Variants in SLC34A1 observed in about 807,000 individuals in gnomAD.
SLC34A1 encodes solute carrier family 34 member 1, also known as sodium-dependent phosphate transport protein 2A.
In SLC34A1, 57 loss-of-function variants were observed where a neutral mutation model predicts 51.4. That is an observed-to-expected ratio of 1.11 (90% CI 0.90 to 1.38). The LOEUF (loss-of-function observed/expected upper bound fraction) is 1.38, where lower values mean the gene tolerates loss of function less well. SLC34A1 is among the 40% of genes most tolerant of loss of function. The pLI, the probability that SLC34A1 is intolerant of heterozygous loss-of-function variation, is 0.00. For missense variants in SLC34A1, 796 were observed against 835.6 expected, an observed-to-expected ratio of 0.95 and a Z score of 0.58; for synonymous variants, 368 against 358.0, an observed-to-expected ratio of 1.03 and a Z score of -0.32.
chr5:177,395,243 G>A (rs963511894), intron 10 of SLC34A1, among the ~76,000 whole-genome samples: 1 of 152,222 alleles, frequency 6.6e-6, no homozygotes, highest in African/African-American at 2.4e-5. Flanking sequence ...TAAATTCAGA[G>A]AGAGGTACCT....
At chr5:177,394,548 G>T (rs1056622945) in intron 10 of SLC34A1, among the ~76,000 whole-genome samples, 2 of 152,314 alleles carry the variant, frequency 1.3e-5, no homozygotes, top group South Asian at 2.1e-4. Context: ...CAGCCCAGCA[G>T]GGGGAGGAAA....
At position 177,388,612 on chromosome 5, in the gene SLC34A1, T is replaced by C. The variant is rs1350965494; in HGVS notation, c.936+240T>C. 6.6e-6 allele frequency among the ~76,000 whole-genome samples: 1 copy of C among 152,126 alleles called. No individual in the cohort carries two copies. The highest frequency in any genetic ancestry group is 1.5e-5 in the Non-Finnish European group (1 of 68,018). On this transcript the variant is annotated intron_variant, in intron 8 of 12. Transcript: ENST00000324417. The surrounding 1 kb of genome is among the most constrained non-coding windows in gnomAD (Gnocchi z 4.3). Reference sequence around the variant, plus strand: ...TGTAATTGATCTAGCCCAGTGGTTCTTGAAGTGTGGTCCCAGGCCAGCATC... The same window carrying C: ...TGTAATTGATCTAGCCCAGTGGTTCCTGAAGTGTGGTCCCAGGCCAGCATC...
At position 177,388,447 on chromosome 5, in the gene SLC34A1, T is replaced by A. The variant is rs893002907; in HGVS notation, c.936+75T>A. 5.3e-5 allele frequency: 67 copies of A among 1,264,750 alleles called. No individual in the cohort carries two copies. The Middle Eastern group carries it at 3.0e-3, about 56-fold the overall frequency. 78.3% of individuals were successfully genotyped at this position (1,264,750 alleles called of 1,614,324 possible). ...TGGTTTCATTGTCTGTTCAAAATGC[T>A]CCAGATAGACCTTGAAGATCATTTA... On this transcript the variant is annotated intron_variant, in intron 8 of 12. Coordinates refer to ENST00000324417, the MANE Select transcript of SLC34A1 (RefSeq NM_003052.5). This position sits in a 1 kb window ranked among gnomAD's most constrained non-coding sequence, Gnocchi z 4.3.
chr5:177,385,766 G>C lies in SLC34A1; in HGVS notation c.25G>C (p.Gly9Arg), dbSNP rs148669433. Residue 9 changes from glycine to arginine, a missense_variant, in exon 2 of 13, where the codon GGG (glycine) becomes CGG (arginine). By Grantham distance (125) the Gly-to-Arg change is moderately radical (BLOSUM62 -2). Transcript: ENST00000324417. MLSYGERL[G>R]SPAVSPLPVR... ...GATGTTGTCCTACGGAGAGAGGCTGGGGTCCCCTGCTGTCTCCCCACTCCC... is the reference window on the plus strand; with the variant it reads ...GATGTTGTCCTACGGAGAGAGGCTGCGGTCCCCTGCTGTCTCCCCACTCCC... 6.2e-7 allele frequency: 1 copy of C among 1,613,028 alleles called. No individual in the cohort carries two copies. Among genetic ancestry groups the C allele is most frequent in the Admixed American group, 1.7e-5 (1 of 59,944 alleles).
At chr5:177,393,795 A>G (rs1231442969) in intron 9 of SLC34A1, 32 bp downstream of exon 9, 9 of 1,608,392 alleles carry the variant, frequency 5.6e-6, no homozygotes, top group Non-Finnish European at 7.7e-6. Context: ...GGTGTCCTGC[A>G]TGGCAGGGGC....
chr5:177,387,226 A>C (rs76580957), intron 5 of SLC34A1, among the ~76,000 whole-genome samples: 32 of 151,200 alleles, frequency 2.1e-4, no homozygotes, highest in Middle Eastern at 3.4e-3. Context: ...AAAAAAAAAA[A>C]CAACAAAAAC....
rs769961862 is a variant in SLC34A1 at position 177,396,946 on chromosome 5, C to T, written c.1292-4C>T. The T allele has an allele frequency of 1.2e-6, 2 of 1,614,162 alleles. No homozygotes were observed. The highest frequency in any genetic ancestry group is 1.7e-5 in the Admixed American group (1 of 60,022). ...GGTCCCACTTCCTCTCCCTCTGTCCCCAGGTCTTGGTGTGATCAGCATTGA... is the reference window on the plus strand; with the variant it reads ...GGTCCCACTTCCTCTCCCTCTGTCCTCAGGTCTTGGTGTGATCAGCATTGA... On this transcript the variant is annotated splice_polypyrimidine_tract_variant and splice_region_variant and intron_variant, in intron 11 of 12. Transcript: ENST00000324417. The surrounding 1 kb of genome is among the most constrained non-coding windows in gnomAD (Gnocchi z 4.0).
intron 12 of SLC34A1, 29 bp downstream of exon 12, chr5:177,397,103 GC>G (rs1561635465): frequency 6.2e-7 from 1 of 1,608,290 alleles, no homozygotes. Context: ...CTCGCCTGGG[GC>G]AGGATGGAGC....
chr5:177,388,202 C>A lies in SLC34A1; in HGVS notation c.840+13C>A. 6.2e-7 allele frequency: 1 copy of A among 1,614,054 alleles called. No individual in the cohort carries two copies. The highest frequency in any genetic ancestry group is 8.5e-7 in the Non-Finnish European group (1 of 1,180,004). On this transcript the variant is annotated intron_variant, in intron 7 of 12. Transcript: ENST00000324417. This position sits in a 1 kb window ranked among gnomAD's most constrained non-coding sequence, Gnocchi z 4.3. Reference sequence around the variant, plus strand: ...GCTCATCATCCAGGTGACAGCAGGGCCTGGCATGGGGTGAGGGTGGGGGTA... The same window carrying A: ...GCTCATCATCCAGGTGACAGCAGGGACTGGCATGGGGTGAGGGTGGGGGTA...
At chr5:177,397,214 G>A in intron 12 of SLC34A1, 140 bp downstream of exon 12, 2 of 1,118,250 alleles carry the variant, frequency 1.8e-6, no homozygotes, top group Non-Finnish European at 2.5e-6. Flanking sequence ...AAACCATTAT[G>A]GGCAAAGTAG....
chr5:177,393,644 C>T (rs1221605359), intron 8 of SLC34A1, 50 bp from the exon 9 acceptor site: 3 of 1,585,348 alleles, frequency 1.9e-6, no homozygotes, highest in Non-Finnish European at 2.6e-6. Context: ...TCAGCCCCAA[C>T]CTCAGGCTGT....
chr5:177,393,826 C>A, intron 9 of SLC34A1, 63 bp downstream of exon 9: 1 of 1,543,610 alleles, frequency 6.5e-7, no homozygotes, highest in Non-Finnish European at 8.9e-7. Context: ...AGTGGCAGGG[C>A]AATCCCACAC....
chr5:177,389,636 T>C, intron 8 of SLC34A1: 1 of 1,537,240 alleles, frequency 6.5e-7, no homozygotes, highest in East Asian at 2.4e-5. Flanking sequence ...CTCTACTTCA[T>C]AGCAAAATCT....
In SLC34A1 at chr5:177,386,574, G is replaced by A; in HGVS notation, c.532+8G>A. On this transcript the variant is annotated splice_region_variant and intron_variant, in intron 5 of 12. Transcript: ENST00000324417. The surrounding 1 kb of genome is among the most constrained non-coding windows in gnomAD (Gnocchi z 4.8). ...GCATGGTCTCCTCTGGCTGTGAGTT[G>A]GCCCACCAGGGTGGGGAAGAGCTTG... 6.2e-7 allele frequency: 1 copy of A among 1,613,770 alleles called. No individual in the cohort carries two copies. The highest frequency in any genetic ancestry group is 1.1e-5 in the South Asian group (1 of 91,076).
chr5:177,384,770 G>A (rs1275478733), intron 1 of SLC34A1, among the ~76,000 whole-genome samples: 2 of 151,628 alleles, frequency 1.3e-5, no homozygotes, highest in African/African-American at 2.4e-5. Context: ...GCTGAGGCAG[G>A]AGAATCGCTT....
chr5:177,386,522 C>T lies in SLC34A1; in HGVS notation c.488C>T (p.Ser163Phe). ...GILVTVLVQS[S>F]STSTSIIVSM... ...CTGGTGACCGTGCTGGTGCAGAGCT[C>T]CAGCACCTCCACATCCATCATCGTC... Residue 163 changes from serine (S) to phenylalanine (F), a missense_variant, in exon 5 of 13, where the codon TCC becomes TTC. By Grantham distance (155) the Ser-to-Phe change is radical. Transcript: ENST00000324417. The surrounding 1 kb of genome is among the most constrained non-coding windows in gnomAD (Gnocchi z 4.8). 1.2e-6 allele frequency: 2 copies of T among 1,613,938 alleles called. No homozygotes were observed. The highest frequency in any genetic ancestry group is 8.5e-7 in the Non-Finnish European group (1 of 1,179,834).
In SLC34A1 at chr5:177,385,776, C is replaced by T; in HGVS notation, c.35C>T (p.Ala12Val). ...LSYGERLGSP[A>V]VSPLPVRGGH... ...TACGGAGAGAGGCTGGGGTCCCCTG[C>T]TGTCTCCCCACTCCCAGTCCGTGGG... The change falls in exon 2 of 13, where the codon GCT becomes GTT. Residue 12 changes from alanine to valine, a missense_variant. By Grantham distance (64) the Ala-to-Val change is moderately conservative. Transcript: ENST00000324417. 1 of 1,613,106 alleles carries T rather than the reference C, an allele frequency of 6.2e-7. No individual in the cohort carries two copies. Among genetic ancestry groups the T allele is most frequent in the Non-Finnish European group, 8.5e-7 (1 of 1,179,836 alleles).
chr5:177,389,603 G>A, intron 8 of SLC34A1: 2 of 1,537,042 alleles, frequency 1.3e-6, no homozygotes, highest in East Asian at 2.4e-5. Flanking sequence ...CACTCTTAGT[G>A]CTCTCTGACT....
rs1762978041 is a variant in SLC34A1, at chr5:177,396,661, G to GC, written c.1175-67dup. Reference sequence around the variant, plus strand: ...CCCCGCGGAGGTCCGCTCTCCCAGTGCCCCCGCGGAGGTCTGCTCTCCCAA... The same window carrying GC: ...CCCCGCGGAGGTCCGCTCTCCCAGTGCCCCCCGCGGAGGTCTGCTCTCCCAA... On this transcript the variant is annotated intron_variant, in intron 10 of 12. Transcript: ENST00000324417. This position sits in a 1 kb window ranked among gnomAD's most constrained non-coding sequence, Gnocchi z 4.0. 1 of 1,293,218 alleles carries GC rather than the reference G, an allele frequency of 7.7e-7. No individual in the cohort carries two copies. The highest frequency in any genetic ancestry group is 1.1e-6 in the Non-Finnish European group (1 of 888,716). 80.1% of individuals were successfully genotyped at this position (1,293,218 alleles called of 1,614,324 possible).
Sources: allele counts gnomAD v4.1 joint callset (sites outside exome capture counted in the v4.1 genomes callset), GRCh38; gene constraint gnomAD v4.1.1; non-coding constraint Gnocchi (gnomAD v3.1); transcripts MANE v1.5; gene names NCBI Gene and HGNC (gene_info 2026-07-23, HGNC 2026-07-21).